Variants in RPTOR observed in about 807,000 individuals in gnomAD.
RPTOR encodes regulatory-associated protein of mTOR.
RPTOR carries 21 observed loss-of-function variants against 169.9 expected under a neutral mutation model. That is an observed-to-expected ratio of 0.12 (90% CI 0.09 to 0.18). RPTOR has a LOEUF of 0.18. RPTOR is among the 10% of genes least tolerant of loss of function. RPTOR has a pLI of 1.00. For synonymous variants in RPTOR, 732 were observed against 753.2 expected (o/e 0.97, Z 0.46); for missense variants, 1,133 against 1,855.9 (o/e 0.61, Z 7.16).
intron 5 of RPTOR, among the ~76,000 whole-genome samples, chr17:80,735,367 A>G (rs1341680886): frequency 6.6e-6 from 1 of 152,238 alleles, no homozygotes; most frequent in Non-Finnish European, 1.5e-5. Context: ...TAAGAGGAAT[A>G]TTTATAGTCA....
chr17:80,890,547 G>A (rs1051221356), intron 17 of RPTOR, among the ~76,000 whole-genome samples: 7 of 152,160 alleles, frequency 4.6e-5, no homozygotes, highest in African/African-American at 7.2e-5. Context: ...TGGGAGGGGC[G>A]GGTGGAGGGT....
intron 3 of RPTOR, among the ~76,000 whole-genome samples, chr17:80,698,746 G>A (rs921540400): frequency 8.5e-5 from 13 of 152,188 alleles, no homozygotes; most frequent in Admixed American, 6.5e-4. Context: ...GGTATAATCC[G>A]TGAAAGACAA....
In RPTOR at chr17:80,861,587, T is replaced by C. The variant is rs373150525; in HGVS notation, c.1509+3687T>C. ...ACACACTTAGAAATATCTTGGCACC[T>C]GGCCACGGATGAAGGACCATGTGTA... is the stretch of plus-strand genomic sequence containing the variant. On this transcript the variant is annotated intron_variant, in intron 13 of 33. Transcript: ENST00000306801. The surrounding 1 kb of genome is among the most constrained non-coding windows in gnomAD (Gnocchi z 4.5). 9.8e-5 allele frequency among the ~76,000 whole-genome samples: 15 copies of C among 152,310 alleles called. No homozygotes were observed. The highest frequency in any genetic ancestry group is 3.4e-4 in the African/African-American group (14 of 41,560).
intron 1 of RPTOR, among the ~76,000 whole-genome samples, chr17:80,573,667 G>C (rs72856538): frequency 0.16 from 23,760 of 152,204 alleles, 2,379 homozygotes; most frequent in Middle Eastern, 0.23. Flanking sequence ...CATGCACACA[G>C]CTTCCTGCCC....
chr17:80,960,113 T>C lies in RPTOR; in HGVS notation c.3513T>C (p.Ser1171=), dbSNP rs2069316308. 1 of 1,613,276 alleles carries C rather than the reference T, an allele frequency of 6.2e-7. No individual in the cohort carries two copies. Among genetic ancestry groups the C allele is most frequent in the Admixed American group, 1.7e-5 (1 of 59,994 alleles). Residue 1171 remains serine, a synonymous_variant, in exon 30 of 34, where the codon AGT becomes AGC. Transcript: ENST00000306801. The surrounding 1 kb of genome is among the most constrained non-coding windows in gnomAD (Gnocchi z 4.8). ...IPTGADSCVT[S]LSCDSHRSLI... ...CGGGCGCAGACAGCTGTGTGACGAGTCTGTCCTGTGATTCCCACCGCTCAC... is the reference window on the plus strand; with the variant it reads ...CGGGCGCAGACAGCTGTGTGACGAGCCTGTCCTGTGATTCCCACCGCTCAC...
intron 6 of RPTOR, among the ~76,000 whole-genome samples, chr17:80,781,032 G>C (rs1246021005): frequency 6.6e-6 from 1 of 152,186 alleles, no homozygotes; most frequent in Non-Finnish European, 1.5e-5. Context: ...CACTTAGCCA[G>C]CAGGGTAGCT....
intron 3 of RPTOR, among the ~76,000 whole-genome samples, chr17:80,683,504 C>T (rs1384972243): frequency 6.6e-6 from 1 of 152,164 alleles, no homozygotes; most frequent in Non-Finnish European, 1.5e-5. Context: ...TGGCTCTGTG[C>T]CTACCCTGTT....
chr17:80,678,823 G>T (rs901283516), intron 3 of RPTOR, among the ~76,000 whole-genome samples: 1 of 152,218 alleles, frequency 6.6e-6, no homozygotes, highest in Non-Finnish European at 1.5e-5. Context: ...TGACTCCTCA[G>T]TGTGCGTGGA....
At position 80,725,507 on chromosome 17, in the gene RPTOR, C is replaced by A. The variant is rs148479433; in HGVS notation, c.508-5053C>A. ...CTCTTGAGTGTTCCAAGCAGCCTTC[C>A]GTGTATACAGGGGGCTTTTCAATTC... On this transcript the variant is annotated intron_variant, in intron 4 of 33. Transcript: ENST00000306801. Among the ~76,000 whole-genome samples, 587 of 152,290 alleles carry A rather than the reference C, an allele frequency of 3.9e-3. 6 individuals carry two copies. Among genetic ancestry groups the A allele is most frequent in the African/African-American group, 0.014 (569 of 41,564 alleles).
At chr17:80,876,161 G>A (rs1209875682) in intron 13 of RPTOR, among the ~76,000 whole-genome samples, 1 of 128,336 alleles carries the variant, frequency 7.8e-6, no homozygotes, top group South Asian at 2.6e-4. Flanking sequence ...CTTCCACCGA[G>A]CCCGTGCCAC....
intron 1 of RPTOR, among the ~76,000 whole-genome samples, chr17:80,583,932 C>T (rs1331980757): frequency 3.3e-5 from 5 of 152,184 alleles, no homozygotes; most frequent in Non-Finnish European, 7.3e-5. Context: ...AGGGTGTCCC[C>T]CAGCTCTGCA....
At chr17:80,674,318 G>A (rs1056162055) in intron 3 of RPTOR, among the ~76,000 whole-genome samples, 6 of 152,126 alleles carry the variant, frequency 3.9e-5, no homozygotes, top group Admixed American at 3.9e-4. Context: ...AAAACCCTTT[G>A]TACATTTCAC....
At position 80,850,347 on chromosome 17, in the gene RPTOR, A is replaced by G. The variant is rs563811873; in HGVS notation, c.1314+3773A>G. Reference sequence around the variant, plus strand: ...GTTTCTGAGTTATTCCACTGAGCATAATGGCCTCCTGTTTCACCCATGTTG... The same window carrying G: ...GTTTCTGAGTTATTCCACTGAGCATGATGGCCTCCTGTTTCACCCATGTTG... On this transcript the variant is annotated intron_variant, in intron 11 of 33. Coordinates refer to ENST00000306801, the MANE Select transcript of RPTOR (RefSeq NM_020761.3). Among the ~76,000 whole-genome samples, 4 of 152,342 alleles carry G rather than the reference A, an allele frequency of 2.6e-5. No homozygotes were observed. The East Asian group carries it at 7.7e-4, about 29-fold the overall frequency.
intron 3 of RPTOR, among the ~76,000 whole-genome samples, chr17:80,649,172 G>T (rs991755450): frequency 1.3e-5 from 2 of 152,176 alleles, no homozygotes; most frequent in African/African-American, 2.4e-5. Context: ...CAGCTAAGTT[G>T]CCCTAGGACA....
chr17:80,917,232 C>T (rs895586290), intron 21 of RPTOR, among the ~76,000 whole-genome samples: 14 of 131,916 alleles, frequency 1.1e-4, no homozygotes, highest in Admixed American at 6.0e-4. Flanking sequence ...GCTGCCTCGG[C>T]TTCCCATGTA....
At chr17:80,906,919 G>A (rs2068550679) in intron 20 of RPTOR, among the ~76,000 whole-genome samples, 1 of 152,152 alleles carries the variant, frequency 6.6e-6, no homozygotes, top group Non-Finnish European at 1.5e-5. Context: ...TCACGGTGGG[G>A]GCGCGCACAG....
chr17:80,617,518 G>T (rs1476380935), intron 1 of RPTOR, among the ~76,000 whole-genome samples: 1 of 152,122 alleles, frequency 6.6e-6, no homozygotes, highest in Non-Finnish European at 1.5e-5. Flanking sequence ...GCTTCCATAG[G>T]ATACAGTTTA....
At chr17:80,592,822 G>A (rs896489412) in intron 1 of RPTOR, among the ~76,000 whole-genome samples, 4 of 152,168 alleles carry the variant, frequency 2.6e-5, no homozygotes, top group African/African-American at 9.7e-5. Context: ...GACCCTTTTG[G>A]GGGTTTGTGA....
intron 24 of RPTOR, among the ~76,000 whole-genome samples, chr17:80,928,500 A>G (rs539145669): frequency 6.6e-6 from 1 of 152,370 alleles, no homozygotes; most frequent in African/African-American, 2.4e-5. Flanking sequence ...CAAAATAATG[A>G]CCAGTTTACA....
Sources: gnomAD v4.1 joint callset for allele counts (sites outside exome capture counted in the v4.1 genomes callset) on GRCh38, gnomAD v4.1.1 for gene constraint, Gnocchi (gnomAD v3.1) non-coding constraint, MANE v1.5 for transcripts, NCBI Gene and HGNC (gene_info 2026-07-23, HGNC 2026-07-21) for gene names.